PAN3: variants seen among roughly 807,000 people sequenced by gnomAD.
The protein encoded by PAN3 is PAN2-PAN3 deadenylation complex subunit PAN3.
Under a neutral mutation model 96.2 loss-of-function variants are expected in PAN3, and 19 were observed. That is an observed-to-expected ratio of 0.20 (90% confidence interval 0.14 to 0.29). The LOEUF is 0.29. Among genes scored for constraint, PAN3 ranks in the 10% least tolerant of loss-of-function variants. PAN3 has a pLI of 1.00. For missense variants in PAN3, 882 were observed against 1,108.1 expected (o/e 0.80, Z 2.90); for synonymous variants, 433 against 406.6 (o/e 1.06, Z -0.78).
chr13:28,165,909 C>T (rs537231314), intron 1 of PAN3, among the ~76,000 whole-genome samples: 2 of 152,224 alleles, frequency 1.3e-5, no homozygotes, highest in Admixed American at 6.5e-5. Context: ...ATGGTCCACC[C>T]TCATGACTTA....
At chr13:28,206,840 T>TC (rs1879433730) in intron 5 of PAN3, among the ~76,000 whole-genome samples, 1 of 151,998 alleles carries the variant, frequency 6.6e-6, no homozygotes. Context: ...TTCATAGTGC[T>TC]CTTCTGTAAT....
chr13:28,216,027 C>A, intron 5 of PAN3: 1 of 563,386 alleles, frequency 1.8e-6, no homozygotes, highest in Non-Finnish European at 3.1e-6. Flanking sequence ...CATCTTAAAA[C>A]CTTCAGAAGG....
At chr13:28,157,163 G>T (rs992030297) in intron 1 of PAN3, among the ~76,000 whole-genome samples, 2 of 152,150 alleles carry the variant, frequency 1.3e-5, no homozygotes. Flanking sequence ...AAGGTTTTCA[G>T]TAAAATTCAA....
At chr13:28,205,533 A>C (rs1016026592) in intron 5 of PAN3, among the ~76,000 whole-genome samples, 1 of 152,120 alleles carries the variant, frequency 6.6e-6, no homozygotes, top group African/African-American at 2.4e-5. Flanking sequence ...AAAGTTTAAA[A>C]ATTTTAGAAA....
At chr13:28,164,889 G>GTAC (rs1873336820) in intron 1 of PAN3, among the ~76,000 whole-genome samples, 1 of 152,134 alleles carries the variant, frequency 6.6e-6, no homozygotes, top group Non-Finnish European at 1.5e-5. Flanking sequence ...ATAGTCATGG[G>GTAC]GTAACTGCTG....
intron 9 of PAN3, among the ~76,000 whole-genome samples, chr13:28,262,073 A>G (rs1885784772): frequency 6.6e-6 from 1 of 152,194 alleles, no homozygotes; most frequent in Non-Finnish European, 1.5e-5. Flanking sequence ...TGTGTGCCAG[A>G]CAGTATACTA....
At chr13:28,179,793 G>A (rs1875525917) in intron 4 of PAN3, among the ~76,000 whole-genome samples, 1 of 151,894 alleles carries the variant, frequency 6.6e-6, no homozygotes, top group South Asian at 2.1e-4. Context: ...ATGTTTAAAA[G>A]TATTTCTAAT....
At chr13:28,240,080 AC>A (rs1277862875) in intron 6 of PAN3, 1 of 152,430 alleles carries the variant, frequency 6.6e-6, no homozygotes, top group Admixed American at 6.5e-5. Flanking sequence ...ATTTAATGGA[AC>A]TTAATTTGAG....
intron 5 of PAN3, chr13:28,215,247 TC>T: frequency 1.4e-6 from 1 of 711,824 alleles, no homozygotes; most frequent in Non-Finnish European, 2.6e-6. Flanking sequence ...AACTGACAAG[TC>T]CTTGCACCAG....
At chr13:28,271,482 G>A (rs187900248) in intron 13 of PAN3, among the ~76,000 whole-genome samples, 48 of 152,260 alleles carry the variant, frequency 3.2e-4, no homozygotes, top group Admixed American at 2.3e-3. Context: ...TCGATATGCC[G>A]TTGAACAAGT....
chr13:28,261,419 T>A lies in PAN3; in HGVS notation c.1372T>A (p.Leu458Ile). The change falls in exon 9 of 19, where the codon TTA becomes ATA. Residue 458 changes from leucine (L) to isoleucine (I), a missense_variant. By Grantham distance (5) the Leu-to-Ile change is conservative. Coordinates refer to ENST00000380958, the MANE Select transcript of PAN3 (RefSeq NM_175854.8). ...ELRQELINRH[L>I]ITMAQIDQAD... ...TTCATAGGAGCTGATCAACAGACAT[T>A]TAATAACAATGGCTCAAATTGATCA... 6.2e-7 allele frequency: 1 copy of A among 1,609,936 alleles called. No homozygotes were observed. The highest frequency in any genetic ancestry group is 8.5e-7 in the Non-Finnish European group (1 of 1,177,694).
chr13:28,170,347 A>G (rs182921252), intron 1 of PAN3, among the ~76,000 whole-genome samples: 276 of 152,334 alleles, frequency 1.8e-3, no homozygotes, highest in African/African-American at 6.3e-3. Flanking sequence ...TCCTCTGACA[A>G]TAGTTTAATA....
Position 28,288,170 on chromosome 13 carries a change from G to A in PAN3, c.2523+48G>A, listed in dbSNP as rs781508037. On this transcript the variant is annotated intron_variant, in intron 18 of 18. Transcript: ENST00000380958. ...AAGATCATAATTCTGCCTATAATTT[G>A]TATAGAGTTGTATCTTCTACAAATA... The A allele has an allele frequency of 1.6e-5, 24 of 1,478,856 alleles. No homozygotes were observed. The Admixed American group carries it at 4.1e-4, about 26-fold the overall frequency. 91.6% of individuals were successfully genotyped at this position (1,478,856 alleles called of 1,614,324 possible).
chr13:28,292,170 G>A (rs1174933367), intron 18 of PAN3, among the ~76,000 whole-genome samples: 4 of 152,154 alleles, frequency 2.6e-5, no homozygotes, highest in African/African-American at 7.2e-5. Context: ...AACGTTAAGC[G>A]TGAAGGGATA....
At chr13:28,230,778 CTCTTG>C (rs1380529326) in intron 6 of PAN3, among the ~76,000 whole-genome samples, 3 of 127,618 alleles carry the variant, frequency 2.4e-5, no homozygotes, top group Non-Finnish European at 4.8e-5. Flanking sequence ...TCATAAGACA[CTCTTG>C]TCTTTAAGTT....
chr13:28,206,964 A>T (rs533167463), intron 5 of PAN3, among the ~76,000 whole-genome samples: 10 of 152,206 alleles, frequency 6.6e-5, no homozygotes, highest in Non-Finnish European at 1.0e-4. Context: ...TCTTCTGAAC[A>T]TCTTCATCTC....
intron 12 of PAN3, among the ~76,000 whole-genome samples, chr13:28,269,836 A>G (rs949328179): frequency 1.3e-5 from 2 of 152,194 alleles, no homozygotes; most frequent in Admixed American, 6.5e-5. Flanking sequence ...ATTCCAAGCC[A>G]TAAGTACATA....
At position 28,266,703 on chromosome 13, in the gene PAN3, G is replaced by T. The variant is rs773549157; in HGVS notation, c.1412-12G>T. ...CTGTATTTTCAAGTCATCTTCTTATGAATTACTCTAGCAGTTCCTACAGAG... is the reference window on the plus strand; with the variant it reads ...CTGTATTTTCAAGTCATCTTCTTATTAATTACTCTAGCAGTTCCTACAGAG... On this transcript the variant is annotated splice_polypyrimidine_tract_variant and intron_variant, in intron 9 of 18. Transcript: ENST00000380958. 2 of 1,531,480 alleles carry T rather than the reference G, an allele frequency of 1.3e-6. No homozygotes were observed. Among genetic ancestry groups the T allele is most frequent in the East Asian group, 2.3e-5 (1 of 43,060 alleles). 94.9% of individuals were successfully genotyped at this position (1,531,480 alleles called of 1,614,324 possible). A position where few individuals can be genotyped will look rare whatever the true frequency, so the allele number is the denominator to read the frequency against.
intron 4 of PAN3, among the ~76,000 whole-genome samples, chr13:28,187,716 T>G (rs1876669671): frequency 6.6e-6 from 1 of 152,248 alleles, no homozygotes; most frequent in African/African-American, 2.4e-5. Context: ...TTTATTTTTC[T>G]CATTTTTTAC....
Sources: gnomAD v4.1 joint callset for allele counts (sites outside exome capture counted in the v4.1 genomes callset) on GRCh38, gnomAD v4.1.1 for gene constraint, MANE v1.5 for transcripts, NCBI Gene and HGNC (gene_info 2026-07-23, HGNC 2026-07-21) for gene names.